The following MUC12 variants were observed in gnomAD, a reference collection of about 807,000 sequenced individuals.
MUC12 encodes mucin-12.
In MUC12, 172 loss-of-function variants were observed where a neutral mutation model predicts 230.8. That is an observed-to-expected ratio of 0.75 (90% CI 0.66 to 0.85). MUC12 has a LOEUF of 0.85. Among genes scored for constraint, MUC12 ranks in the 40% least tolerant of loss-of-function variants. The probability of loss-of-function intolerance (pLI) is 0.00; values close to 1 mark genes in which losing one functional copy is unlikely to be tolerated. For missense variants in MUC12, 3,506 were observed against 5,920.6 expected, an observed-to-expected ratio of 0.59 and a Z score of 13.38; for synonymous variants, 1,259 against 2,401.9, an observed-to-expected ratio of 0.52 and a Z score of 13.91.
rs1211409213 is a variant in MUC12, at chr7:101,008,715, C to T, written c.15140C>T (p.Ala5047Val). 6.5e-7 allele frequency: 1 copy of T among 1,537,286 alleles called. No individual in the cohort carries two copies. Among genetic ancestry groups the T allele is most frequent in the Admixed American group, 2.0e-5 (1 of 51,010 alleles). ...AATTTCACAGAAAAGATGAATGACG[C>T]ATCCTCCCAGGAATACCAGAACTTC... is the stretch of plus-strand genomic sequence containing the variant. ...YRNFTEKMND[A>V]SSQEYQNFST... Residue 5047 changes from alanine to valine, a missense_variant, in exon 4 of 12, where the codon GCA (alanine) becomes GTA (valine). Coordinates refer to ENST00000536621, the MANE Select transcript of MUC12 (RefSeq NM_001164462.2).
intron 1 of MUC12, among the ~76,000 whole-genome samples, chr7:100,970,007 T>G (rs1420735369): frequency 2.0e-5 from 3 of 152,302 alleles, no homozygotes; most frequent in Admixed American, 2.0e-4. Context: ...ACATAGACAG[T>G]CATCTCTGCC....
In MUC12 at chr7:100,995,328, A is replaced by G. The variant is rs2116317193; in HGVS notation, c.4765A>G (p.Thr1589Ala). Residue 1589 changes from threonine to alanine, a missense_variant, in exon 2 of 12, where the codon ACA (threonine) becomes GCA (alanine). Thr to Ala is a moderately conservative substitution (Grantham distance 58). Transcript: ENST00000536621. ...SHSRPGSTHT[T>A]AFPGSTTMPG... ...CAGCCGACCAGGCTCAACGCACACA[A>G]CAGCATTCCCTGGCAGTACCACCAT... 1 of 1,530,816 alleles carries G rather than the reference A, an allele frequency of 6.5e-7. No individual in the cohort carries two copies. Among genetic ancestry groups the G allele is most frequent in the Admixed American group, 2.0e-5 (1 of 50,456 alleles). 94.8% of individuals were successfully genotyped at this position (1,530,816 alleles called of 1,614,324 possible).
rs571151438 is a variant in MUC12, at chr7:101,004,563, C to G, written c.14000C>G (p.Thr4667Arg). ...CACAGCAGCCCGGGCTCAATTGCAA[C>G]AACACACTTTCCTGAGAGCTCCACA... ...SYHSSPGSIA[T>R]THFPESSTTS... The change falls in exon 2 of 12, where the codon ACA becomes AGA. Residue 4667 changes from threonine to arginine, a missense_variant. Transcript: ENST00000536621. 22 of 1,537,502 alleles carry G rather than the reference C, an allele frequency of 1.4e-5. No homozygotes were observed. In the East Asian group the frequency reaches 2.9e-4, roughly 21 times the overall value.
intron 1 of MUC12, among the ~76,000 whole-genome samples, chr7:100,970,127 T>G (rs1208620255): frequency 6.6e-6 from 1 of 152,270 alleles, no homozygotes; most frequent in African/African-American, 2.4e-5. Flanking sequence ...TCCAGAGGGG[T>G]GTGTGACAGT....
At chr7:100,975,737 G>A (rs1393690164) in intron 1 of MUC12, among the ~76,000 whole-genome samples, 1 of 152,312 alleles carries the variant, frequency 6.6e-6, no homozygotes, top group East Asian at 1.9e-4. Context: ...TAGTTGAGTA[G>A]GACAGGAAGG....
Position 100,990,729 on chromosome 7 carries a change from G to A in MUC12, c.166G>A (p.Val56Ile). The change falls in exon 2 of 12, where the codon GTC becomes ATC. Residue 56 changes from valine to isoleucine, a missense_variant. Physicochemically the swap from Val to Ile is conservative, Grantham distance 29 (BLOSUM62 3). Transcript: ENST00000536621. ...CACCTTTAGTGACTATGGGGTGTCA[G>A]TCACATTTATCACGGGCTCAACTGC... The part of the protein sequence containing the change: ...FTTFSDYGVS[V>I]TFITGSTATK... 6.5e-7 allele frequency: 1 copy of A among 1,537,872 alleles called. No individual in the cohort carries two copies. The highest frequency in any genetic ancestry group is 8.7e-7 in the Non-Finnish European group (1 of 1,147,054).
At position 101,013,992 on chromosome 7, in the gene MUC12, G is replaced by A. The variant is rs750066727; in HGVS notation, c.15718G>A (p.Val5240Met). The A allele has an allele frequency of 5.2e-6, 8 of 1,536,936 alleles. No individual in the cohort carries two copies. Among genetic ancestry groups the A allele is most frequent in the African/African-American group, 2.7e-5 (2 of 73,028 alleles). ...NIAKSLVYGI[V>M]GAVMAVLLLA... Reference sequence around the variant, plus strand: ...CGCCAAGAGCCTCGTGTATGGGATCGTGGGGGCTGTGATGGCGGTGCTGCT... The same window carrying A: ...CGCCAAGAGCCTCGTGTATGGGATCATGGGGGCTGTGATGGCGGTGCTGCT... The change falls in exon 9 of 12, where the codon GTG becomes ATG. Residue 5240 changes from valine to methionine, a missense_variant. Val to Met is a conservative substitution (Grantham distance 21). Transcript: ENST00000536621.
At chr7:101,008,823 G>C in intron 4 of MUC12, 62 bp downstream of exon 4, 2 of 1,497,108 alleles carry the variant, frequency 1.3e-6, no homozygotes, top group Non-Finnish European at 1.8e-6. Context: ...AAATTGGGGG[G>C]TGCACCCCAA....
intron 1 of MUC12, among the ~76,000 whole-genome samples, chr7:100,980,641 C>G (rs1051997140): frequency 6.6e-6 from 1 of 152,136 alleles, no homozygotes; most frequent in African/African-American, 2.4e-5. Flanking sequence ...ATGATATCAG[C>G]AGCTGGGTGT....
rs1477552858 is a variant in MUC12 at position 100,992,091 on chromosome 7, G to C, written c.1528G>C (p.Ala510Pro). The change falls in exon 2 of 12, where the codon GCC (alanine) becomes CCC (proline). Residue 510 changes from alanine (A) to proline (P), a missense_variant. Transcript: ENST00000536621. ...ATCACCAGACACAACACACTTACCT[G>C]CCAGCATGACAAGCTCAGGCGTCAG... ...PRSPDTTHLP[A>P]SMTSSGVSEE... 6.5e-7 allele frequency: 1 copy of C among 1,537,186 alleles called. No individual in the cohort carries two copies.
rs1291006722 is a variant in MUC12, at chr7:100,990,753, G to A, written c.190G>A (p.Ala64Thr). 6.5e-7 allele frequency: 1 copy of A among 1,537,718 alleles called. No individual in the cohort carries two copies. Among genetic ancestry groups the A allele is most frequent in the Admixed American group, 2.0e-5 (1 of 50,982 alleles). The change falls in exon 2 of 12, where the codon GCA becomes ACA. Residue 64 changes from alanine to threonine, a missense_variant. Physicochemically the swap from Ala to Thr is moderately conservative, Grantham distance 58 (BLOSUM62 0). Coordinates refer to ENST00000536621, the MANE Select transcript of MUC12 (RefSeq NM_001164462.2). ...VSVTFITGST[A>T]TKHFLDSSTN... The stretch of plus-strand genomic sequence containing the variant: ...AGTCACATTTATCACGGGCTCAACT[G>A]CAACAAAACACTTCCTTGACAGCTC...
At chr7:100,980,581 A>G (rs947135884) in intron 1 of MUC12, among the ~76,000 whole-genome samples, 1 of 152,220 alleles carries the variant, frequency 6.6e-6, no homozygotes, top group Non-Finnish European at 1.5e-5. Flanking sequence ...TTTATTTTAT[A>G]TCTGCATCAG....
intron 11 of MUC12, 101 bp from the exon 12 acceptor site, chr7:101,018,494 C>T (rs897384723): frequency 1.6e-5 from 18 of 1,122,014 alleles, no homozygotes; most frequent in South Asian, 6.7e-5. Context: ...CCTCCCTCCC[C>T]CTGGGGTTCC....
intron 1 of MUC12, among the ~76,000 whole-genome samples, chr7:100,981,116 T>C (rs1793098190): frequency 6.6e-6 from 1 of 152,220 alleles, no homozygotes. Flanking sequence ...TGGATTTCTT[T>C]GCTTCCTGGT....
At position 100,990,868 on chromosome 7, in the gene MUC12, C is replaced by A. The variant is rs756556349; in HGVS notation, c.305C>A (p.Thr102Asn). Reference sequence around the variant, plus strand: ...ACACTCTTCCCTTCCCACTCTGCAACCTCAGTTTTTGTTGGAGAACCTAAA... The same window carrying A: ...ACACTCTTCCCTTCCCACTCTGCAAACTCAGTTTTTGTTGGAGAACCTAAA... ...GTTLFPSHSA[T>N]SVFVGEPKTS... Residue 102 changes from threonine to asparagine, a missense_variant, in exon 2 of 12, where the codon ACC (threonine) becomes AAC (asparagine). Coordinates refer to ENST00000536621, the MANE Select transcript of MUC12 (RefSeq NM_001164462.2). The A allele has an allele frequency of 1.7e-5, 26 of 1,537,774 alleles. No homozygotes were observed. The highest frequency in any genetic ancestry group is 2.0e-5 in the Non-Finnish European group (23 of 1,147,066).
chr7:101,017,408 C>T (rs1406439803), intron 10 of MUC12, 167 bp from the exon 11 acceptor site: 1 of 592,106 alleles, frequency 1.7e-6, no homozygotes, highest in Non-Finnish European at 3.0e-6. Context: ...GCAGGCTCTG[C>T]ACTTACCCGC....
chr7:101,004,917 C>T lies in MUC12; in HGVS notation c.14354C>T (p.Thr4785Ile), dbSNP rs777793521. ...CACACAACAGCGTTCCCTGCCAGCA[C>T]CACCACCTCAGGCCTCAGTCAGGAA... ...STHTTAFPAS[T>I]TTSGLSQEST... The change falls in exon 2 of 12, where the codon ACC becomes ATC. Residue 4785 changes from threonine to isoleucine, a missense_variant. Coordinates refer to ENST00000536621, the MANE Select transcript of MUC12 (RefSeq NM_001164462.2). 2 of 1,537,914 alleles carry T rather than the reference C, an allele frequency of 1.3e-6. No homozygotes were observed. Among genetic ancestry groups the T allele is most frequent in the East Asian group, 2.4e-5 (1 of 40,912 alleles).
Position 100,995,681 on chromosome 7 carries a change from A to G in MUC12, c.5118A>G (p.Thr1706=), listed in dbSNP as rs1162947352. The change falls in exon 2 of 12, where the codon ACA becomes ACG. Residue 1706 remains threonine (T), a synonymous_variant. Coordinates refer to ENST00000536621, the MANE Select transcript of MUC12 (RefSeq NM_001164462.2). ...CTATGCCTGCACCTCCTACTACCAC[A>G]TCAGCCTTTGTTGAGCTATCTACAA... ...KDTMPAPPTT[T]SAFVELSTTS... 4 of 1,537,110 alleles carry G rather than the reference A, an allele frequency of 2.6e-6. No individual in the cohort carries two copies. The highest frequency in any genetic ancestry group is 8.7e-7 in the Non-Finnish European group (1 of 1,147,048).
rs967838491 is a variant in MUC12, at chr7:101,015,754, C to T, written c.15877+63C>T. Reference sequence around the variant, plus strand: ...GAGGGTGAAGAAAGGCAGGGCGGTGCCTGTGCCTGTGGGGGTGACGTGGGG... The same window carrying T: ...GAGGGTGAAGAAAGGCAGGGCGGTGTCTGTGCCTGTGGGGGTGACGTGGGG... On this transcript the variant is annotated intron_variant, in intron 10 of 11. Coordinates refer to ENST00000536621, the MANE Select transcript of MUC12 (RefSeq NM_001164462.2). 2.2e-5 allele frequency: 31 copies of T among 1,426,008 alleles called. No individual in the cohort carries two copies. The East Asian group carries it at 7.7e-4, about 35-fold the overall frequency. 88.3% of individuals were successfully genotyped at this position (1,426,008 alleles called of 1,614,324 possible). A position where few individuals can be genotyped will look rare whatever the true frequency, so the allele number is the denominator to read the frequency against.
Sources: allele counts gnomAD v4.1 joint callset (sites outside exome capture counted in the v4.1 genomes callset), GRCh38; gene constraint gnomAD v4.1.1; transcripts MANE v1.5; gene names NCBI Gene and HGNC (gene_info 2026-07-23, HGNC 2026-07-21).